MED12L: variants seen among roughly 807,000 people sequenced by gnomAD.
The protein encoded by MED12L is mediator of RNA polymerase II transcription subunit 12-like protein.
In MED12L, 60 loss-of-function variants were observed where a neutral mutation model predicts 281.3. That is an observed-to-expected ratio of 0.21 (90% confidence interval 0.17 to 0.26). MED12L has a LOEUF of 0.26. Ranked by LOEUF, MED12L falls within the 10% of genes least tolerant of loss-of-function variation. The pLI is 1.00. For missense variants in MED12L, 2,146 were observed against 2,680.9 expected (o/e 0.80, Z 4.41); for synonymous variants, 974 against 987.2 (o/e 0.99, Z 0.25).
intron 16 of MED12L, among the ~76,000 whole-genome samples, chr3:151,204,751 T>C (rs565582602): frequency 6.6e-6 from 1 of 152,334 alleles, no homozygotes; most frequent in African/African-American, 2.4e-5. Context: ...TGGTGAATGA[T>C]TTTACCATGG....
rs773200039 is a variant in MED12L at position 151,372,575 on chromosome 3, A to G, written c.3673A>G (p.Lys1225Glu). 82 of 1,613,520 alleles carry G rather than the reference A, an allele frequency of 5.1e-5. No individual in the cohort carries two copies. The highest frequency in any genetic ancestry group is 6.2e-5 in the Non-Finnish European group (73 of 1,179,656). ...GTGATTCTATTACTTAGGAGATGCC[A>G]AAATTGGCAATAACAGTGTCAGCTC... ...LKAIMMLGDA[K>E]IGNNSVSSLK... Residue 1225 changes from lysine to glutamate, a missense_variant, in exon 27 of 45, where the codon AAA becomes GAA. Lys to Glu is a moderately conservative substitution (Grantham distance 56). Around this residue, in one of 9 missense-constraint regions of MED12L, gnomAD observed 235 missense variants for 260.3 expected, o/e 0.90. Coordinates refer to ENST00000687756, the MANE Select transcript of MED12L (RefSeq NM_001393769.1).
Position 151,368,534 on chromosome 3 carries a change from G to A in MED12L, c.3550+283G>A, listed in dbSNP as rs546972731. Among the ~76,000 whole-genome samples the A allele has an allele frequency of 7.2e-5, 11 of 152,004 alleles. No individual in the cohort carries two copies. The South Asian group carries it at 8.3e-4, about 11-fold the overall frequency. The stretch of plus-strand genomic sequence containing the variant: ...CTGGTGGGCAGCATGGTCCTCTCAC[G>A]TACTGTGTGTGTTGGTTCTGAACCA... On this transcript the variant is annotated intron_variant, in intron 25 of 44. Transcript: ENST00000687756.
In MED12L at chr3:151,107,092, C is replaced by CTT. The variant is rs5853505; in HGVS notation, c.100-9232_100-9231dup. 2.3e-4 allele frequency among the ~76,000 whole-genome samples: 32 copies of CTT among 138,702 alleles called. 1 individual carries two copies. The East Asian group carries it at 5.4e-3, about 24-fold the overall frequency. The allele number at this position is 138,702 out of a possible 152,430, so 91.0% of individuals were successfully genotyped here. On this transcript the variant is annotated intron_variant, in intron 2 of 44. Transcript: ENST00000687756. ...TACTATTTGTTTTCTGTGTCCCCAGCTTTTTTTTTTTTTTTGGATTATTAG... is the reference window on the plus strand; with the variant it reads ...TACTATTTGTTTTCTGTGTCCCCAGCTTTTTTTTTTTTTTTTTGGATTATTAG...
intron 16 of MED12L, among the ~76,000 whole-genome samples, chr3:151,293,884 C>T (rs921809010): frequency 6.6e-6 from 1 of 152,132 alleles, no homozygotes; most frequent in Admixed American, 6.5e-5. Context: ...AGAGCAGCAG[C>T]TTTTCCTGGA....
intron 37 of MED12L, among the ~76,000 whole-genome samples, chr3:151,388,460 G>T (rs1354857367): frequency 6.6e-6 from 1 of 152,120 alleles, no homozygotes; most frequent in East Asian, 1.9e-4. Flanking sequence ...CCTCGGGTTT[G>T]AAACTTGAAA....
Position 151,263,282 on chromosome 3 carries a change from C to CA in MED12L, c.2250+69617dup, listed in dbSNP as rs552298752. 6.5e-3 allele frequency among the ~76,000 whole-genome samples: 989 copies of CA among 152,238 alleles called. 8 individuals are homozygous for CA. Among genetic ancestry groups the CA allele is most frequent in the South Asian group, 0.014 (67 of 4,824 alleles). On this transcript the variant is annotated intron_variant, in intron 16 of 44. Coordinates refer to ENST00000687756, the MANE Select transcript of MED12L (RefSeq NM_001393769.1). ...GCACGTGAAACTGCTGAAATAATGC[C>CA]AGCTGAGTGGACCTCCCCAGAGTGT...
At chr3:151,219,848 T>C (rs1364164196) in intron 16 of MED12L, among the ~76,000 whole-genome samples, 6 of 150,612 alleles carry the variant, frequency 4.0e-5, no homozygotes, top group Non-Finnish European at 8.8e-5. Flanking sequence ...ACTTAAACTC[T>C]GAGAGCTTGG....
chr3:151,138,806 AC>A (rs2148852267), intron 5 of MED12L, among the ~76,000 whole-genome samples: 1 of 152,310 alleles, frequency 6.6e-6, no homozygotes, highest in South Asian at 2.1e-4. Flanking sequence ...GGTAGCACTT[AC>A]CAGGTTTTAC....
intron 5 of MED12L, among the ~76,000 whole-genome samples, chr3:151,151,031 C>T (rs1457265226): frequency 2.3e-3 from 76 of 32,890 alleles, no homozygotes; most frequent in South Asian, 4.4e-3. Flanking sequence ...GCTGAAGTAG[C>T]TTTTTTTTTT....
intron 16 of MED12L, among the ~76,000 whole-genome samples, chr3:151,313,091 G>A (rs949302707): frequency 1.3e-5 from 2 of 152,112 alleles, no homozygotes; most frequent in African/African-American, 4.8e-5. Flanking sequence ...GAGTGCTAGA[G>A]CTTGCCCTCA....
chr3:151,207,592 G>A (rs1315415975), intron 16 of MED12L, among the ~76,000 whole-genome samples: 1 of 152,182 alleles, frequency 6.6e-6, no homozygotes, highest in Non-Finnish European at 1.5e-5. Context: ...TTTTAATAAA[G>A]TAAGCATTGG....
chr3:151,407,336 C>A (rs910372013), intron 39 of MED12L, among the ~76,000 whole-genome samples: 6 of 152,062 alleles, frequency 3.9e-5, no homozygotes, highest in Admixed American at 3.3e-4. Flanking sequence ...CCCACAAAGC[C>A]AAAAGAGGGC....
chr3:151,113,129 G>A (rs1378179520), intron 2 of MED12L, among the ~76,000 whole-genome samples: 1 of 152,206 alleles, frequency 6.6e-6, no homozygotes, highest in African/African-American at 2.4e-5. Flanking sequence ...AAGGGAATGG[G>A]TGGACAGTTC....
intron 26 of MED12L, among the ~76,000 whole-genome samples, chr3:151,369,870 T>C (rs2107991599): frequency 6.6e-6 from 1 of 152,280 alleles, no homozygotes; most frequent in African/African-American, 2.4e-5. Context: ...AATCACACTT[T>C]GTGAGAGACA....
intron 5 of MED12L, among the ~76,000 whole-genome samples, chr3:151,140,508 C>T (rs1443931710): frequency 6.6e-6 from 1 of 152,088 alleles, no homozygotes; most frequent in Non-Finnish European, 1.5e-5. Flanking sequence ...ACTCTATGTG[C>T]CCGATTGTTG....
rs1218763274 is a variant in MED12L at position 151,163,993 on chromosome 3, C to T, written c.1208C>T (p.Ala403Val). The change falls in exon 9 of 45, where the codon GCC (alanine) becomes GTC (valine). Residue 403 changes from alanine (A) to valine (V), a missense_variant. Coordinates refer to ENST00000687756, the MANE Select transcript of MED12L (RefSeq NM_001393769.1). ...TCACCCCTGGATCTGCTGCAGGTGGCCCCGTCCAGCCTCCCCATGCCGGGT... is the reference window on the plus strand; with the variant it reads ...TCACCCCTGGATCTGCTGCAGGTGGTCCCGTCCAGCCTCCCCATGCCGGGT... ...PGSPLDLLQVAPSSLPMPGGN... is the reference protein window; with the variant it reads ...PGSPLDLLQVVPSSLPMPGGN... The T allele has an allele frequency of 1.2e-6, 2 of 1,613,554 alleles. No homozygotes were observed. Among genetic ancestry groups the T allele is most frequent in the East Asian group, 2.2e-5 (1 of 44,882 alleles).
At chr3:151,313,775 C>G (rs1362441465) in intron 16 of MED12L, among the ~76,000 whole-genome samples, 1 of 151,884 alleles carries the variant, frequency 6.6e-6, no homozygotes, top group African/African-American at 2.4e-5. Flanking sequence ...ACCCAGGAGG[C>G]AGAGGTTACA....
chr3:151,183,696 A>G (rs1722956948), intron 11 of MED12L, among the ~76,000 whole-genome samples: 2 of 152,252 alleles, frequency 1.3e-5, no homozygotes, highest in Admixed American at 1.3e-4. Context: ...GTTCTTCTAT[A>G]TGTCTCCCTA....
chr3:151,227,382 A>C (rs577051921), intron 16 of MED12L, among the ~76,000 whole-genome samples: 1 of 152,312 alleles, frequency 6.6e-6, no homozygotes, highest in Admixed American at 6.5e-5. Flanking sequence ...TTCTGCTACA[A>C]ACAGATCCAA....
Sources: gnomAD v4.1 joint callset for allele counts (sites outside exome capture counted in the v4.1 genomes callset) on GRCh38, gnomAD v4.1.1 for gene constraint, gnomAD v4.1.1 regional missense constraint, MANE v1.5 for transcripts, NCBI Gene and HGNC (gene_info 2026-07-23, HGNC 2026-07-21) for gene names.